SETX: variants seen among roughly 807,000 people sequenced by gnomAD.
SETX encodes the protein senataxin.
A neutral mutation model predicts 227.2 loss-of-function variants in SETX; 90 were observed. The observed-to-expected ratio is 0.40, with a 90% CI of 0.33 to 0.47. The LOEUF is 0.47. SETX is among the 20% of genes least tolerant of loss of function. The pLI is 0.91. For synonymous variants in SETX, 1,210 were observed against 1,113.2 expected (o/e 1.09, Z -1.73); for missense variants, 3,052 against 3,181.5 (o/e 0.96, Z 0.98).
intron 10 of SETX, among the ~76,000 whole-genome samples, chr9:132,317,057 C>T (rs1019873497): frequency 6.6e-6 from 1 of 152,230 alleles, no homozygotes; most frequent in Non-Finnish European, 1.5e-5. Context: ...GAAGCTATCA[C>T]ATCCATGAAC....
At chr9:132,292,625 ATTTTTT>A (rs529367112) in intron 15 of SETX, among the ~76,000 whole-genome samples, 1 of 125,234 alleles carries the variant, frequency 8.0e-6, no homozygotes, top group Non-Finnish European at 1.7e-5. Flanking sequence ...TTCCCAACTC[ATTTTTT>A]TTTTTTTTTT....
At chr9:132,355,091 GT>G (rs71376639), upstream of SETX, 121,917 of 152,180 alleles carry the variant, frequency 0.8, 49,352 homozygotes, top group Non-Finnish European at 0.86. Context: ...CTGCTTTCTG[GT>G]TTTGGTGCCC....
intron 18 of SETX, 121 bp from the exon 19 acceptor site, chr9:132,283,534 A>C (rs1437852851): frequency 8.0e-7 from 1 of 1,245,700 alleles, no homozygotes; most frequent in East Asian, 2.5e-5. Flanking sequence ...AAAAATATTT[A>C]GTAAAAGTTA....
intron 4 of SETX, 22 bp downstream of exon 4, chr9:132,346,239 G>A (rs1199610827): frequency 1.3e-6 from 2 of 1,566,986 alleles, no homozygotes; most frequent in East Asian, 4.5e-5. Flanking sequence ...GATATAACTT[G>A]AGGAACCATC....
At chr9:132,338,262 T>C (rs751684045) in intron 5 of SETX, among the ~76,000 whole-genome samples, 3 of 151,970 alleles carry the variant, frequency 2.0e-5, no homozygotes, top group Admixed American at 6.6e-5. Context: ...CGGCTAACTT[T>C]TGTTATTTTT....
In SETX at chr9:132,336,397, T is replaced by C. The variant is rs759880306; in HGVS notation, c.617A>G (p.Glu206Gly). 1.2e-6 allele frequency: 2 copies of C among 1,614,066 alleles called. No individual in the cohort carries two copies. Among genetic ancestry groups the C allele is most frequent in the Non-Finnish European group, 8.5e-7 (1 of 1,179,938 alleles). The change falls in exon 6 of 26, where the codon GAG becomes GGG. Residue 206 changes from glutamate to glycine, a missense_variant. Physicochemically the swap from Glu to Gly is moderately conservative, Grantham distance 98. Coordinates refer to ENST00000224140, the MANE Select transcript of SETX (RefSeq NM_015046.7). Reference sequence around the variant, plus strand: ...AGAAGAAGTATAAATGTCTGGACTCTCTAAAAGCCCCAACTCAATGACTTT... The same window carrying C: ...AGAAGAAGTATAAATGTCTGGACTCCCTAAAAGCCCCAACTCAATGACTTT... ...LFKVIELGLL[E>G]SPDIYTSSVL...
chr9:132,336,111 C>T (rs1847596900), intron 6 of SETX, among the ~76,000 whole-genome samples, 185 bp downstream of exon 6: 1 of 152,076 alleles, frequency 6.6e-6, no homozygotes, highest in Non-Finnish European at 1.5e-5. Flanking sequence ...GGTGTGGTGG[C>T]GTTTGCCTGT....
intron 11 of SETX, among the ~76,000 whole-genome samples, chr9:132,310,552 T>C (rs1392994339): frequency 1.3e-5 from 2 of 152,244 alleles, no homozygotes; most frequent in Non-Finnish European, 1.5e-5. Flanking sequence ...TTGGCTGGTA[T>C]CTAGGAACTT....
chr9:132,264,695 G>A lies in SETX; in HGVS notation c.7578C>T (p.Asp2526=). ...KEITLTVTSK[D]PERPPVHDQL... ...GGTCATGAACAGGAGGTCTTTCAGG[G>A]TCCTTTGAAGTAACAGTAAGAGTAA... The change falls in exon 26 of 26, where the codon GAC becomes GAT. Residue 2526 remains aspartate, a synonymous_variant. Transcript: ENST00000224140. 1.9e-6 allele frequency: 3 copies of A among 1,614,196 alleles called. No individual in the cohort carries two copies. Among genetic ancestry groups the A allele is most frequent in the East Asian group, 4.5e-5 (2 of 44,888 alleles).
At chr9:132,354,266 G>A (rs1399713218) in intron 1 of SETX, among the ~76,000 whole-genome samples, 2 of 152,110 alleles carry the variant, frequency 1.3e-5, no homozygotes, top group East Asian at 1.9e-4. Flanking sequence ...GGGCGCGGCG[G>A]CTCGGAGGAT....
intron 21 of SETX, among the ~76,000 whole-genome samples, chr9:132,277,652 T>C (rs573118168): frequency 6.6e-6 from 1 of 152,038 alleles, no homozygotes; most frequent in South Asian, 2.1e-4. Flanking sequence ...GGCATGGTGG[T>C]GACTGAGTGT....
chr9:132,335,188 A>T (rs1295407168), intron 6 of SETX, among the ~76,000 whole-genome samples: 5 of 151,778 alleles, frequency 3.3e-5, no homozygotes, highest in Non-Finnish European at 5.9e-5. Flanking sequence ...CAGGAGATCG[A>T]GACCATCCTG....
In SETX at chr9:132,269,517, T is replaced by C. The variant is rs761208444; in HGVS notation, c.7287+98A>G. 61 of 1,604,948 alleles carry C rather than the reference T, an allele frequency of 3.8e-5. No individual in the cohort carries two copies. The Admixed American group carries it at 8.0e-4, about 21-fold the overall frequency. ...GGAAAACATAACAACCATTATTTTG[T>C]AATCCAGAAATCATTTACACTTTGA... On this transcript the variant is annotated intron_variant, in intron 25 of 25. Coordinates refer to ENST00000224140, the MANE Select transcript of SETX (RefSeq NM_015046.7).
At chr9:132,325,212 C>T (rs1346861481) in intron 10 of SETX, among the ~76,000 whole-genome samples, 2 of 152,118 alleles carry the variant, frequency 1.3e-5, no homozygotes, top group South Asian at 2.1e-4. Flanking sequence ...AAAAATTAGC[C>T]GGCCGTGGTG....
At chr9:132,344,579 G>A (rs1192573587) in intron 4 of SETX, among the ~76,000 whole-genome samples, 4 of 152,118 alleles carry the variant, frequency 2.6e-5, no homozygotes, top group African/African-American at 9.7e-5. Context: ...CTAGATTTTA[G>A]TATCGTTATT....
chr9:132,275,057 C>A, intron 23 of SETX, 199 bp downstream of exon 23: 1 of 586,636 alleles, frequency 1.7e-6, no homozygotes, highest in Non-Finnish European at 3.0e-6. Context: ...TGTTGACATT[C>A]CAACTGCCAG....
chr9:132,297,088 C>T, intron 13 of SETX, 34 bp from the exon 14 acceptor site: 1 of 1,554,226 alleles, frequency 6.4e-7, no homozygotes, highest in Non-Finnish European at 8.8e-7. Context: ...GAATGAGTTG[C>T]TGTTTCTGTA....
intron 2 of SETX, among the ~76,000 whole-genome samples, chr9:132,352,996 T>C (rs1023006035): frequency 6.6e-6 from 1 of 152,172 alleles, no homozygotes; most frequent in East Asian, 1.9e-4. Flanking sequence ...CTTAGTTCAG[T>C]ACATTTTCAT....
At chr9:132,292,685 A>G (rs533706788) in intron 15 of SETX, among the ~76,000 whole-genome samples, 7 of 140,474 alleles carry the variant, frequency 5.0e-5, no homozygotes, top group South Asian at 2.2e-4. Flanking sequence ...GCTGGAGTGC[A>G]GTGGCGCGAT....
Sources: allele counts gnomAD v4.1 joint callset (sites outside exome capture counted in the v4.1 genomes callset), GRCh38; gene constraint gnomAD v4.1.1; transcripts MANE v1.5; gene names NCBI Gene and HGNC (gene_info 2026-07-23, HGNC 2026-07-21).